Variants in SOCS5 observed in about 807,000 individuals in gnomAD.
The protein encoded by SOCS5 is suppressor of cytokine signaling 5.
In SOCS5, 32 loss-of-function variants were observed where a neutral mutation model predicts 42.8. The ratio of observed to expected loss-of-function variants is 0.75; its 90% confidence interval spans 0.56 to 1.01. The LOEUF (loss-of-function observed/expected upper bound fraction) is 1.01. Ranked by LOEUF, SOCS5 falls within the 50% of genes least tolerant of loss-of-function variation. The pLI, the probability that SOCS5 is intolerant of heterozygous loss-of-function variation, is 0.00. For missense variants in SOCS5, 627 were observed against 653.0 expected, an observed-to-expected ratio of 0.96 and a Z score of 0.43; for synonymous variants, 283 against 229.6, an observed-to-expected ratio of 1.23 and a Z score of -2.10.
At chr2:46,738,959 T>C (rs1325482674) in intron 1 of SOCS5, among the ~76,000 whole-genome samples, 1 of 152,154 alleles carries the variant, frequency 6.6e-6, no homozygotes, top group African/African-American at 2.4e-5. Context: ...GGAATAAACA[T>C]TGTGGCTGAA....
intron 1 of SOCS5, among the ~76,000 whole-genome samples, chr2:46,718,757 G>T (rs1406747795): frequency 6.6e-6 from 1 of 152,132 alleles, no homozygotes; most frequent in Non-Finnish European, 1.5e-5. Flanking sequence ...AAAAGCCGAA[G>T]AGCTTAGAGT....
chr2:46,715,964 A>C (rs1401156009), intron 1 of SOCS5, among the ~76,000 whole-genome samples: 1 of 151,626 alleles, frequency 6.6e-6, no homozygotes, highest in Non-Finnish European at 1.5e-5. Flanking sequence ...GGCCCTGTCC[A>C]TTTTTCTTCC....
chr2:46,757,344 T>C (rs769285713), intron 1 of SOCS5, among the ~76,000 whole-genome samples: 38 of 152,322 alleles, frequency 2.5e-4, no homozygotes, highest in Middle Eastern at 3.4e-3. Flanking sequence ...AATGTTGACT[T>C]TTAGCTACTG....
At chr2:46,702,978 C>T (rs1452000599) in intron 1 of SOCS5, among the ~76,000 whole-genome samples, 1 of 152,164 alleles carries the variant, frequency 6.6e-6, no homozygotes, top group Non-Finnish European at 1.5e-5. Flanking sequence ...TCTTTGTGGT[C>T]TTTCCTTAAG....
chr2:46,746,560 A>G (rs1327698566), intron 1 of SOCS5, among the ~76,000 whole-genome samples: 1 of 151,790 alleles, frequency 6.6e-6, no homozygotes, highest in Non-Finnish European at 1.5e-5. Flanking sequence ...CTGAGGCAGG[A>G]GAATGGTGTG....
intron 1 of SOCS5, among the ~76,000 whole-genome samples, chr2:46,741,018 C>T (rs1046319241): frequency 2.6e-5 from 4 of 152,136 alleles, no homozygotes; most frequent in Non-Finnish European, 4.4e-5. Flanking sequence ...TTGAGAAAGT[C>T]ACGCTGGCTT....
At chr2:46,727,362 T>G (rs1273183566) in intron 1 of SOCS5, among the ~76,000 whole-genome samples, 1 of 152,208 alleles carries the variant, frequency 6.6e-6, no homozygotes, top group Non-Finnish European at 1.5e-5. Flanking sequence ...TGTCTGTTTA[T>G]TGTCCCATGC....
Position 46,759,813 on chromosome 2 carries a change from C to G in SOCS5, c.1283C>G (p.Ala428Gly). 1.2e-6 allele frequency: 2 copies of G among 1,614,154 alleles called. No homozygotes were observed. Among genetic ancestry groups the G allele is most frequent in the Non-Finnish European group, 1.7e-6 (2 of 1,180,016 alleles). The change falls in exon 2 of 2, where the codon GCC (alanine) becomes GGC (glycine). Residue 428 changes from alanine to glycine, a missense_variant. Transcript: ENST00000394861. ...CGCCGCTACAACAGATCCCTGCATG[C>G]CCGAATTGAGCAGTGGAATCACAAC... ...SFRRYNRSLH[A>G]RIEQWNHNFS...
At chr2:46,746,372 C>G (rs1281332234) in intron 1 of SOCS5, among the ~76,000 whole-genome samples, 2 of 152,156 alleles carry the variant, frequency 1.3e-5, no homozygotes, top group Non-Finnish European at 2.9e-5. Flanking sequence ...AATATTCCAT[C>G]AGGGCCGGGT....
chr2:46,702,616 G>A (rs1267830611), intron 1 of SOCS5, among the ~76,000 whole-genome samples: 15 of 152,130 alleles, frequency 9.9e-5, no homozygotes, highest in Non-Finnish European at 2.2e-4. Flanking sequence ...GTGGAACCAT[G>A]GGAAAATCAT....
At chr2:46,734,168 A>G (rs932644168) in intron 1 of SOCS5, among the ~76,000 whole-genome samples, 2 of 152,162 alleles carry the variant, frequency 1.3e-5, no homozygotes, top group East Asian at 3.9e-4. Context: ...GCTGTTTTTT[A>G]TTTTCTTAAT....
chr2:46,731,277 G>C (rs889739210), intron 1 of SOCS5, among the ~76,000 whole-genome samples: 16 of 152,300 alleles, frequency 1.1e-4, no homozygotes, highest in African/African-American at 3.9e-4. Flanking sequence ...GAGCTGAAAA[G>C]ATGAGAGTTC....
intron 1 of SOCS5, among the ~76,000 whole-genome samples, chr2:46,727,237 C>T (rs907954949): frequency 1.3e-5 from 2 of 150,214 alleles, no homozygotes; most frequent in Non-Finnish European, 3.0e-5. Context: ...CAAGCTCCGC[C>T]TCCCGGGTTC....
chr2:46,737,234 T>C (rs1673274383), intron 1 of SOCS5, among the ~76,000 whole-genome samples: 1 of 152,192 alleles, frequency 6.6e-6, no homozygotes, highest in Non-Finnish European at 1.5e-5. Context: ...GACTAGATTT[T>C]AAGAGTCTCT....
Position 46,726,734 on chromosome 2 carries a change from T to G in SOCS5, c.-13+27285T>G, listed in dbSNP as rs201037458. ...AATTTCAGTTACAGTATTTTTCAGT[T>G]CTAAATTATTATTATTATTATTATT... On this transcript the variant is annotated intron_variant, in intron 1 of 1. Coordinates refer to ENST00000394861, the MANE Select transcript of SOCS5 (RefSeq NM_144949.3). 7.3e-3 allele frequency among the ~76,000 whole-genome samples: 873 copies of G among 120,128 alleles called. 32 individuals are homozygous for G. In the East Asian group the frequency reaches 0.093, roughly 13 times the overall value. 78.8% of individuals were successfully genotyped at this position (120,128 alleles called of 152,430 possible).
chr2:46,710,975 C>T (rs1006981429), intron 1 of SOCS5, among the ~76,000 whole-genome samples: 1 of 152,156 alleles, frequency 6.6e-6, no homozygotes, highest in African/African-American at 2.4e-5. Context: ...TTTTTATCAG[C>T]ATGTTTTTGA....
Position 46,759,798 on chromosome 2 carries a change from A to G in SOCS5, c.1268A>G (p.Asn423Ser), listed in dbSNP as rs778334764. 7.4e-6 allele frequency: 12 copies of G among 1,614,166 alleles called. No individual in the cohort carries two copies. The Admixed American group carries it at 8.3e-5, about 11-fold the overall frequency. ...TTCTCTGTGAGCTTCCGCCGCTACA[A>G]CAGATCCCTGCATGCCCGAATTGAG... ...YLFSVSFRRYNRSLHARIEQW... is the reference protein window; with the variant it reads ...YLFSVSFRRYSRSLHARIEQW... Residue 423 changes from asparagine to serine, a missense_variant, in exon 2 of 2, where the codon AAC (asparagine) becomes AGC (serine). Coordinates refer to ENST00000394861, the MANE Select transcript of SOCS5 (RefSeq NM_144949.3).
chr2:46,704,849 T>C (rs902176786), intron 1 of SOCS5, among the ~76,000 whole-genome samples: 9 of 152,132 alleles, frequency 5.9e-5, no homozygotes, highest in Non-Finnish European at 1.5e-5. Context: ...AGTCCCTAGG[T>C]AAGCACTGTT....
intron 1 of SOCS5, among the ~76,000 whole-genome samples, chr2:46,742,939 C>T (rs937067690): frequency 6.6e-6 from 1 of 152,150 alleles, no homozygotes; most frequent in African/African-American, 2.4e-5. Flanking sequence ...GCTGGGATTA[C>T]AGGCATGAGG....
Sources: gnomAD v4.1 joint callset for allele counts (sites outside exome capture counted in the v4.1 genomes callset) on GRCh38, gnomAD v4.1.1 for gene constraint, MANE v1.5 for transcripts, NCBI Gene and HGNC (gene_info 2026-07-23, HGNC 2026-07-21) for gene names.